DKK2: variants seen among roughly 807,000 people sequenced by gnomAD.
DKK2 encodes dickkopf-related protein 2.
DKK2 carries 11 observed loss-of-function variants against 28.1 expected under a neutral mutation model. The observed-to-expected ratio is 0.39, with a 90% CI of 0.25 to 0.65. The LOEUF is 0.65. DKK2 is among the 30% of genes least tolerant of loss of function. DKK2 has a pLI of 0.47. For synonymous variants in DKK2, 135 were observed against 126.5 expected (o/e 1.07, Z -0.45); for missense variants, 326 against 335.5 (o/e 0.97, Z 0.22).
rs961401912 is a variant in DKK2, at chr4:106,922,220, G to T, written c.*1734C>A. The stretch of plus-strand genomic sequence containing the variant: ...ATGTGGGAAGTTGAAATTTTTAATA[G>T]ATATACAGGCTCAAACTCAATCTCT... On this transcript the variant is annotated 3_prime_UTR_variant, in exon 4 of 4. Coordinates refer to ENST00000285311, the MANE Select transcript of DKK2 (RefSeq NM_014421.3). 6.6e-6 allele frequency: 1 copy of T among 152,186 alleles called. No homozygotes were observed. Among genetic ancestry groups the T allele is most frequent in the Non-Finnish European group, 1.5e-5 (1 of 68,014 alleles). 9.4% of individuals were successfully genotyped at this position (152,186 alleles called of 1,614,324 possible). A position where few individuals can be genotyped will look rare whatever the true frequency, so the allele number is the denominator to read the frequency against.
At chr4:106,966,023 C>T (rs1448128088) in intron 1 of DKK2, among the ~76,000 whole-genome samples, 2 of 151,796 alleles carry the variant, frequency 1.3e-5, no homozygotes, top group Non-Finnish European at 2.9e-5. Flanking sequence ...GGTTCCAAGT[C>T]TTTGCTATTG....
intron 1 of DKK2, among the ~76,000 whole-genome samples, chr4:107,025,986 A>C (rs1723772584): frequency 1.3e-5 from 2 of 152,214 alleles, no homozygotes; most frequent in South Asian, 4.1e-4. Context: ...AGAGGATGCA[A>C]GTTCCAGTGA....
intron 2 of DKK2, among the ~76,000 whole-genome samples, chr4:106,924,934 C>G (rs1292285520): frequency 6.6e-6 from 1 of 152,132 alleles, no homozygotes; most frequent in Non-Finnish European, 1.5e-5. Context: ...TTGGACAAAA[C>G]TGGGAATAAA....
intron 1 of DKK2, among the ~76,000 whole-genome samples, chr4:107,007,303 A>T (rs1414257421): frequency 6.6e-6 from 1 of 152,068 alleles, no homozygotes; most frequent in Non-Finnish European, 1.5e-5. Flanking sequence ...ATGGTCCTAA[A>T]CATTTTAAGT....
At chr4:107,027,303 A>AT (rs1458079610) in intron 1 of DKK2, among the ~76,000 whole-genome samples, 3 of 152,188 alleles carry the variant, frequency 2.0e-5, no homozygotes, top group Non-Finnish European at 2.9e-5. Context: ...TTGGATGAAG[A>AT]TTTTTTAGTC....
chr4:106,993,181 C>T (rs1052557401), intron 1 of DKK2, among the ~76,000 whole-genome samples: 1 of 152,148 alleles, frequency 6.6e-6, no homozygotes, highest in African/African-American at 2.4e-5. Context: ...TGCTTAATTC[C>T]CAATTTCCGC....
At chr4:106,950,940 C>T (rs554256953) in intron 1 of DKK2, among the ~76,000 whole-genome samples, 21 of 152,158 alleles carry the variant, frequency 1.4e-4, no homozygotes, top group Non-Finnish European at 2.6e-4. Flanking sequence ...ACCAGCCCCG[C>T]AAGTCTACCA....
chr4:106,937,529 C>T, intron 1 of DKK2, among the ~76,000 whole-genome samples: 1 of 149,444 alleles, frequency 6.7e-6, no homozygotes, highest in East Asian at 2.0e-4. Context: ...GAGACTTTAA[C>T]ACCCCACTGT....
In DKK2 at chr4:106,921,975, A is replaced by C. The variant is rs1050004047; in HGVS notation, c.*1979T>G. ...TGTAAATAAATTACTTCAAATAATA[A>C]TTTTTAAAAGGGTGGACATAAGAAA... On this transcript the variant is annotated 3_prime_UTR_variant, in exon 4 of 4. Transcript: ENST00000285311. 6.6e-6 allele frequency: 1 copy of C among 152,624 alleles called. No individual in the cohort carries two copies. Among genetic ancestry groups the C allele is most frequent in the African/African-American group, 2.4e-5 (1 of 41,460 alleles). 9.5% of individuals were successfully genotyped at this position (152,624 alleles called of 1,614,324 possible). A position where few individuals can be genotyped will look rare whatever the true frequency, so the allele number is the denominator to read the frequency against.
intron 3 of DKK2, 94 bp from the exon 4 acceptor site, chr4:106,924,298 T>C (rs1187297990): frequency 2.0e-6 from 3 of 1,467,038 alleles, no homozygotes; most frequent in Non-Finnish European, 1.8e-6. Context: ...TTTTTACTTA[T>C]ACTATCTTCT....
chr4:107,027,853 G>A (rs963279368), intron 1 of DKK2, among the ~76,000 whole-genome samples: 4 of 150,002 alleles, frequency 2.7e-5, no homozygotes, highest in African/African-American at 4.9e-5. Flanking sequence ...CCGGGTTCAC[G>A]CCATTCTCCT....
chr4:106,986,042 T>C (rs538448074), intron 1 of DKK2, among the ~76,000 whole-genome samples: 3 of 152,252 alleles, frequency 2.0e-5, no homozygotes, highest in African/African-American at 7.2e-5. Flanking sequence ...TCAGAAGTGC[T>C]ACCTCTTGGG....
chr4:107,026,060 A>G (rs1723774315), intron 1 of DKK2, among the ~76,000 whole-genome samples: 1 of 152,230 alleles, frequency 6.6e-6, no homozygotes, highest in Admixed American at 6.5e-5. Flanking sequence ...CCTCTTAAGC[A>G]GATTTCCTCG....
At chr4:106,974,055 G>A (rs943287770) in intron 1 of DKK2, among the ~76,000 whole-genome samples, 10 of 150,832 alleles carry the variant, frequency 6.6e-5, no homozygotes, top group African/African-American at 9.7e-5. Context: ...TGTCATAGAT[G>A]TGTGGTGTTA....
At chr4:106,930,740 T>G (rs1280572047) in intron 1 of DKK2, among the ~76,000 whole-genome samples, 1 of 152,024 alleles carries the variant, frequency 6.6e-6, no homozygotes, top group Non-Finnish European at 1.5e-5. Flanking sequence ...CATCATCAGC[T>G]AGGCAGGCAG....
intron 1 of DKK2, among the ~76,000 whole-genome samples, chr4:107,014,174 G>C (rs1723557675): frequency 6.6e-6 from 1 of 151,334 alleles, no homozygotes; most frequent in Non-Finnish European, 1.5e-5. Flanking sequence ...ATGTCAAAGA[G>C]ATACCTGCAC....
chr4:106,999,581 A>G (rs143547669), intron 1 of DKK2, among the ~76,000 whole-genome samples: 2,010 of 152,196 alleles, frequency 0.013, 52 homozygotes, highest in African/African-American at 0.046. Flanking sequence ...TCTTGACTGC[A>G]TGATCCACCC....
intron 1 of DKK2, among the ~76,000 whole-genome samples, chr4:107,026,571 C>G (rs1257274004): frequency 6.6e-6 from 1 of 151,976 alleles, no homozygotes; most frequent in Non-Finnish European, 1.5e-5. Context: ...ATTAAAGAAA[C>G]AAAAAGCACC....
intron 1 of DKK2, among the ~76,000 whole-genome samples, chr4:107,026,360 CA>C (rs985029316): frequency 5.9e-5 from 9 of 151,506 alleles, no homozygotes; most frequent in Non-Finnish European, 1.0e-4. Flanking sequence ...AAGTAAATAG[CA>C]AAAAAACTCT....
Sources: gnomAD v4.1 joint callset for allele counts (sites outside exome capture counted in the v4.1 genomes callset) on GRCh38, gnomAD v4.1.1 for gene constraint, MANE v1.5 for transcripts, NCBI Gene and HGNC (gene_info 2026-07-23, HGNC 2026-07-21) for gene names.